Variants in CNTNAP1 observed in about 807,000 individuals in gnomAD.
The protein encoded by CNTNAP1 is contactin-associated protein 1.
In CNTNAP1, 80 loss-of-function variants were observed where a neutral mutation model predicts 161.5. The observed-to-expected ratio is 0.50, with a 90% CI of 0.41 to 0.60. CNTNAP1 has a LOEUF of 0.60. CNTNAP1 is among the 20% of genes least tolerant of loss of function. The pLI is 0.00. For missense variants in CNTNAP1, 1,464 were observed against 1,854.8 expected, an observed-to-expected ratio of 0.79 and a Z score of 3.87; for synonymous variants, 695 against 733.1, an observed-to-expected ratio of 0.95 and a Z score of 0.84.
In CNTNAP1 at chr17:42,687,864, C is replaced by T; in HGVS notation, c.1189C>T (p.Leu397Phe). 1 of 1,614,252 alleles carries T rather than the reference C, an allele frequency of 6.2e-7. No homozygotes were observed. The highest frequency in any genetic ancestry group is 2.2e-5 in the East Asian group (1 of 44,890). Residue 397 changes from leucine to phenylalanine, a missense_variant, in exon 8 of 24, where the codon CTT (leucine) becomes TTT (phenylalanine). Coordinates refer to ENST00000264638, the MANE Select transcript of CNTNAP1 (RefSeq NM_003632.3). The surrounding 1 kb of genome is among the most constrained non-coding windows in gnomAD (Gnocchi z 4.7). ...CTTCCGCACCTGGGACCTCACCGGG[C>T]TTCTCCTTTTCTCCCGTCTGGGGGA... The part of the protein sequence containing the change: ...FRFRTWDLTG[L>F]LLFSRLGDGL...
Position 42,687,699 on chromosome 17 carries a change from C to T in CNTNAP1, c.1045-21C>T. 6.2e-7 allele frequency: 1 copy of T among 1,610,502 alleles called. No homozygotes were observed. Among genetic ancestry groups the T allele is most frequent in the Non-Finnish European group, 8.5e-7 (1 of 1,177,418 alleles). On this transcript the variant is annotated intron_variant, in intron 7 of 23. Transcript: ENST00000264638. The surrounding 1 kb of genome is among the most constrained non-coding windows in gnomAD (Gnocchi z 4.7). ...CAGAGGCGGCTCACGGGTGTTGATG[C>T]GTCTTCACTTTTGCCCCTAGGGTAA...
At chr17:42,686,469 G>GTTGTTTTTTTTTTT (rs2053011209) in intron 6 of CNTNAP1, among the ~76,000 whole-genome samples, 2 of 71,364 alleles carry the variant, frequency 2.8e-5, no homozygotes, top group African/African-American at 1.1e-4. Flanking sequence ...AAAAAGGCCT[G>GTTGTTTTTTTTTTT]TTTTTTTTTT....
At chr17:42,686,812 C>G (rs1597805324) in intron 6 of CNTNAP1, 91 bp from the exon 7 acceptor site, 1 of 1,422,622 alleles carries the variant, frequency 7.0e-7, no homozygotes, top group Non-Finnish European at 9.5e-7. Flanking sequence ...AAAACCCCAT[C>G]TGGCATTTGG....
intron 1 of CNTNAP1, chr17:42,683,332 G>A: frequency 9.2e-7 from 1 of 1,092,156 alleles, no homozygotes; most frequent in African/African-American, 1.7e-5. Context: ...GATCCAAGCA[G>A]GAGCTGGTGC....
In CNTNAP1 at chr17:42,685,992, A is replaced by G; in HGVS notation, c.751A>G (p.Thr251Ala). ...TATCCAGCCAAGACCAGGTCACACC[A>G]CCGTGAGCGCAGGCGGAGTCCTCAA... Reference protein sequence around the residue: ...SPIQPRPGHTTVSAGGVLNDQ... With the variant: ...SPIQPRPGHTAVSAGGVLNDQ... Residue 251 changes from threonine (T) to alanine (A), a missense_variant, in exon 6 of 24, where the codon ACC becomes GCC. This residue lies in a region of CNTNAP1 where 1,383 missense variants were observed against 1,765.0 expected (regional missense o/e 0.78). Transcript: ENST00000264638. The surrounding 1 kb of genome is among the most constrained non-coding windows in gnomAD (Gnocchi z 5.0). 2 of 1,614,130 alleles carry G rather than the reference A, an allele frequency of 1.2e-6. No individual in the cohort carries two copies.
chr17:42,698,623 G>C lies in CNTNAP1; in HGVS notation c.3868G>C (p.Val1290Leu). 6.3e-7 allele frequency: 1 copy of C among 1,594,620 alleles called. No individual in the cohort carries two copies. The highest frequency in any genetic ancestry group is 1.7e-5 in the Admixed American group (1 of 58,894). ...GWVAILLGFL[V>L]AFLLLGLVGM... Reference sequence around the variant, plus strand: ...GTCCCTTTTCTTCTTTTCAGTTTTGGTGGCCTTTCTGCTGCTGGGGCTGGT... The same window carrying C: ...GTCCCTTTTCTTCTTTTCAGTTTTGCTGGCCTTTCTGCTGCTGGGGCTGGT... Residue 1290 changes from valine to leucine, a missense_variant, in exon 24 of 24, where the codon GTG becomes CTG. Coordinates refer to ENST00000264638, the MANE Select transcript of CNTNAP1 (RefSeq NM_003632.3).
intron 20 of CNTNAP1, 122 bp downstream of exon 20, chr17:42,696,274 C>T (rs1232565326): frequency 7.2e-6 from 9 of 1,252,944 alleles, no homozygotes; most frequent in East Asian, 2.5e-5. Flanking sequence ...AGGATTTTCA[C>T]GTGTGTCACC....
chr17:42,693,364 T>C lies in CNTNAP1; in HGVS notation c.2820T>C (p.Thr940=). The part of the protein sequence containing the change: ...CLRAMRLNGV[T]LNLEGRANAS... ...GGGCCATGCGTCTGAACGGAGTGAC[T>C]CTGAACCTGGAGGGCCGTGCCAATG... Residue 940 remains threonine, a synonymous_variant, in exon 18 of 24, where the codon ACT becomes ACC. Coordinates refer to ENST00000264638, the MANE Select transcript of CNTNAP1 (RefSeq NM_003632.3). 1 of 1,614,136 alleles carries C rather than the reference T, an allele frequency of 6.2e-7. No individual in the cohort carries two copies. Among genetic ancestry groups the C allele is most frequent in the South Asian group, 1.1e-5 (1 of 91,084 alleles).
chr17:42,696,746 C>T (rs1054997739), intron 20 of CNTNAP1, among the ~76,000 whole-genome samples: 2 of 152,050 alleles, frequency 1.3e-5, no homozygotes, highest in African/African-American at 4.8e-5. Flanking sequence ...GTGGAGGTTG[C>T]AGTGAGCTGA....
rs1419451378 is a variant in CNTNAP1 at position 42,688,974 on chromosome 17, C to G, written c.1555C>G (p.Leu519Val). 6.2e-7 allele frequency: 1 copy of G among 1,613,630 alleles called. No individual in the cohort carries two copies. The highest frequency in any genetic ancestry group is 1.7e-5 in the Admixed American group (1 of 59,930). ...CAAGGTGGATGGTCAACTGGTCAAC[C>G]TGACTCTGGTGGAGGGCCGGCGGCT... ...LLKVDGQLVNLTLVEGRRLGF... is the reference protein window; with the variant it reads ...LLKVDGQLVNVTLVEGRRLGF... The change falls in exon 10 of 24, where the codon CTG becomes GTG. Residue 519 changes from leucine (L) to valine (V), a missense_variant. By Grantham distance (32) the Leu-to-Val change is conservative. Coordinates refer to ENST00000264638, the MANE Select transcript of CNTNAP1 (RefSeq NM_003632.3).
At chr17:42,695,930 TCTC>T in intron 19 of CNTNAP1, 56 bp downstream of exon 19, 1 of 1,595,960 alleles carries the variant, frequency 6.3e-7, no homozygotes, top group Non-Finnish European at 8.6e-7. Context: ...TGCCCCTAAT[TCTC>T]CTATTGATTC....
chr17:42,689,844 G>A (rs907190507), intron 11 of CNTNAP1: 17 of 578,602 alleles, frequency 2.9e-5, no homozygotes, highest in African/African-American at 5.6e-5. Context: ...GGGTTCAAGC[G>A]ATTCTCCTGC....
rs1266368038 is a variant in CNTNAP1, at chr17:42,698,779, G to A, written c.4024G>A (p.Val1342Ile). The change falls in exon 24 of 24, where the codon GTC becomes ATC. Residue 1342 changes from valine to isoleucine, a missense_variant. Val to Ile is a conservative substitution (Grantham distance 29, BLOSUM62 3). This residue lies in a region of CNTNAP1 where 1,383 missense variants were observed against 1,765.0 expected (regional missense o/e 0.78). Coordinates refer to ENST00000264638, the MANE Select transcript of CNTNAP1 (RefSeq NM_003632.3). ...CCTACCCACTTCAGGCCCTGCCCAGGTCCCCACCCCTACAGCAGCTCCCAA... is the reference window on the plus strand; with the variant it reads ...CCTACCCACTTCAGGCCCTGCCCAGATCCCCACCCCTACAGCAGCTCCCAA... ...PPLPTSGPAQ[V>I]PTPTAAPNQA... 6.2e-7 allele frequency: 1 copy of A among 1,611,936 alleles called. No individual in the cohort carries two copies. Among genetic ancestry groups the A allele is most frequent in the Non-Finnish European group, 8.5e-7 (1 of 1,179,818 alleles).
At position 42,683,817 on chromosome 17, in the gene CNTNAP1, C is replaced by T; in HGVS notation, c.68-4C>T. ...CTGACTAACAGTCGGTTTCCCTACC[C>T]TAGACGGCTGCGACGAGGAGCTGGT... On this transcript the variant is annotated splice_polypyrimidine_tract_variant and splice_region_variant and intron_variant, in intron 1 of 23. Transcript: ENST00000264638. 1 of 1,610,704 alleles carries T rather than the reference C, an allele frequency of 6.2e-7. No individual in the cohort carries two copies. The highest frequency in any genetic ancestry group is 1.1e-5 in the South Asian group (1 of 91,060).
At position 42,696,014 on chromosome 17, in the gene CNTNAP1, C is replaced by T. The variant is rs1460844131; in HGVS notation, c.3347-11C>T. On this transcript the variant is annotated splice_polypyrimidine_tract_variant and intron_variant, in intron 19 of 23. Transcript: ENST00000264638. Reference sequence around the variant, plus strand: ...GCCTGAGACCCCAAATTTCTTCTCCCCACCCCACAGGGACCCTTCAGCTGC... The same window carrying T: ...GCCTGAGACCCCAAATTTCTTCTCCTCACCCCACAGGGACCCTTCAGCTGC... 6.2e-7 allele frequency: 1 copy of T among 1,613,328 alleles called. No homozygotes were observed. The highest frequency in any genetic ancestry group is 1.3e-5 in the African/African-American group (1 of 74,882).
rs1044438368 is a variant in CNTNAP1 at position 42,699,188 on chromosome 17, T to C, written c.*278T>C. 1.3e-5 allele frequency: 5 copies of C among 373,252 alleles called. No individual in the cohort carries two copies. Among genetic ancestry groups the C allele is most frequent in the African/African-American group, 4.1e-5 (2 of 48,292 alleles). The allele number at this position is 373,252 out of a possible 1,614,324, so 23.1% of individuals were successfully genotyped here. ...AAGGAGAAGCCTCATGGGGTTGACA[T>C]AGGTCCTTTCTGCCATCTCTGTTCC... On this transcript the variant is annotated 3_prime_UTR_variant, in exon 24 of 24. Coordinates refer to ENST00000264638, the MANE Select transcript of CNTNAP1 (RefSeq NM_003632.3).
In CNTNAP1 at chr17:42,683,816, C is replaced by T. The variant is rs368999630; in HGVS notation, c.68-5C>T. 2 of 1,610,466 alleles carry T rather than the reference C, an allele frequency of 1.2e-6. No individual in the cohort carries two copies. The highest frequency in any genetic ancestry group is 2.2e-5 in the East Asian group (1 of 44,864). Reference sequence around the variant, plus strand: ...GCTGACTAACAGTCGGTTTCCCTACCCTAGACGGCTGCGACGAGGAGCTGG... The same window carrying T: ...GCTGACTAACAGTCGGTTTCCCTACTCTAGACGGCTGCGACGAGGAGCTGG... On this transcript the variant is annotated splice_polypyrimidine_tract_variant and splice_region_variant and intron_variant, in intron 1 of 23. Coordinates refer to ENST00000264638, the MANE Select transcript of CNTNAP1 (RefSeq NM_003632.3).
chr17:42,682,998 C>A, intron 1 of CNTNAP1, 102 bp downstream of exon 1: 4 of 1,091,256 alleles, frequency 3.7e-6, no homozygotes, highest in Admixed American at 5.3e-5. Flanking sequence ...GGGTCCTTCC[C>A]GGCCGGCGCG....
intron 18 of CNTNAP1, among the ~76,000 whole-genome samples, chr17:42,694,403 C>G (rs187761932): frequency 6.6e-6 from 1 of 151,444 alleles, no homozygotes; most frequent in African/African-American, 2.4e-5. Context: ...AACTTCTGAC[C>G]GCAGGTGATC....
Sources: allele counts gnomAD v4.1 joint callset (sites outside exome capture counted in the v4.1 genomes callset), GRCh38; gene constraint gnomAD v4.1.1; regional missense constraint gnomAD v4.1.1; non-coding constraint Gnocchi (gnomAD v3.1); transcripts MANE v1.5; gene names NCBI Gene and HGNC (gene_info 2026-07-23, HGNC 2026-07-21).